The following XKR9 variants were observed in gnomAD, a reference collection of about 807,000 sequenced individuals.
XKR9 encodes the protein XK related 9.
A neutral mutation model predicts 32.0 loss-of-function variants in XKR9; 32 were observed. That is an observed-to-expected ratio of 1.00 (90% CI 0.76 to 1.34). The LOEUF (loss-of-function observed/expected upper bound fraction) is 1.34. Among genes scored for constraint, XKR9 ranks in the 40% most tolerant of loss-of-function variants. The pLI is 0.00. For synonymous variants in XKR9, 168 were observed against 143.4 expected (o/e 1.17, Z -1.22); for missense variants, 546 against 429.7 (o/e 1.27, Z -2.39).
At chr8:70,924,411 G>T in the XKR9 span, among the ~76,000 whole-genome samples, 1 of 151,996 alleles carries the variant, frequency 6.6e-6, no homozygotes, top group South Asian at 2.1e-4. Flanking sequence ...ATCTTTTCTG[G>T]CTTCTCTATT....
chr8:71,016,256 A>G, the XKR9 span, among the ~76,000 whole-genome samples: 1 of 152,230 alleles, frequency 6.6e-6, no homozygotes, highest in Non-Finnish European at 1.5e-5. Context: ...TAAGAAGATC[A>G]AATTACAACT....
the XKR9 span, among the ~76,000 whole-genome samples, chr8:70,854,874 G>T: frequency 4.6e-5 from 7 of 152,090 alleles, no homozygotes; most frequent in Admixed American, 4.6e-4. Context: ...CTGCTCCATT[G>T]GTTTATATCT....
chr8:70,896,363 C>A, the XKR9 span, among the ~76,000 whole-genome samples: 1 of 152,040 alleles, frequency 6.6e-6, no homozygotes, highest in African/African-American at 2.4e-5. Context: ...TTTTTAATTT[C>A]TTTAATATAT....
chr8:70,980,387 A>G, the XKR9 span, among the ~76,000 whole-genome samples: 11 of 152,350 alleles, frequency 7.2e-5, 1 homozygote, highest in South Asian at 1.7e-3. Context: ...CTATTCGGAC[A>G]TCTTGGAACC....
chr8:70,989,046 C>A, the XKR9 span, among the ~76,000 whole-genome samples: 5 of 152,176 alleles, frequency 3.3e-5, no homozygotes, highest in African/African-American at 1.2e-4. Flanking sequence ...ACAACACTTT[C>A]TTCATCCATT....
chr8:70,973,095 A>G, the XKR9 span, among the ~76,000 whole-genome samples: 1 of 151,804 alleles, frequency 6.6e-6, no homozygotes, highest in African/African-American at 2.4e-5. Context: ...CTGGTCCTGG[A>G]CTTTTTTTTG....
the XKR9 span, among the ~76,000 whole-genome samples, chr8:70,806,373 G>A: frequency 2.0e-5 from 3 of 152,092 alleles, no homozygotes; most frequent in African/African-American, 4.8e-5. Flanking sequence ...CCAAATGATT[G>A]CAACATTTCT....
At chr8:70,973,129 A>G in the XKR9 span, among the ~76,000 whole-genome samples, 1 of 151,916 alleles carries the variant, frequency 6.6e-6, no homozygotes, top group South Asian at 2.1e-4. Context: ...TTTAATTATC[A>G]TTTCAATCCC....
chr8:70,717,592 CTG>C (rs1563444814), intron 4 of XKR9, among the ~76,000 whole-genome samples: 1 of 152,152 alleles, frequency 6.6e-6, no homozygotes, highest in African/African-American at 2.4e-5. Context: ...TGTCCTGAGG[CTG>C]CATAGAGCAG....
At chr8:71,003,432 A>G in the XKR9 span, among the ~76,000 whole-genome samples, 37 of 152,144 alleles carry the variant, frequency 2.4e-4, no homozygotes, top group African/African-American at 8.7e-4. Flanking sequence ...CTTGGCTAAC[A>G]TTGTTTTCAG....
the XKR9 span, among the ~76,000 whole-genome samples, chr8:70,868,581 C>T: frequency 2.6e-5 from 4 of 151,976 alleles, no homozygotes; most frequent in African/African-American, 7.2e-5. Flanking sequence ...GCACATAGCA[C>T]GAGGACCCTG....
chr8:70,706,543 A>G (rs1031614320), intron 3 of XKR9, among the ~76,000 whole-genome samples: 2 of 152,164 alleles, frequency 1.3e-5, no homozygotes, highest in African/African-American at 4.8e-5. Context: ...ACTAGAAATA[A>G]TAAGATCTGG....
At chr8:70,944,244 A>C in the XKR9 span, among the ~76,000 whole-genome samples, 1 of 152,198 alleles carries the variant, frequency 6.6e-6, no homozygotes, top group African/African-American at 2.4e-5. Flanking sequence ...GAATAAATCC[A>C]TCTTTATAAG....
At chr8:70,967,307 G>A in the XKR9 span, among the ~76,000 whole-genome samples, 2 of 152,024 alleles carry the variant, frequency 1.3e-5, no homozygotes, top group Non-Finnish European at 2.9e-5. Flanking sequence ...CTGACCTCGT[G>A]ATTCGCCCAC....
At chr8:70,877,229 C>T in the XKR9 span, among the ~76,000 whole-genome samples, 1 of 152,144 alleles carries the variant, frequency 6.6e-6, no homozygotes, top group East Asian at 1.9e-4. Flanking sequence ...AAACTGCCCC[C>T]ATGATTCATT....
the XKR9 span, among the ~76,000 whole-genome samples, chr8:71,012,773 T>A: frequency 6.6e-6 from 1 of 152,156 alleles, no homozygotes; most frequent in Non-Finnish European, 1.5e-5. Context: ...CTAAGCAACT[T>A]TCCCCTGGTC....
chr8:70,831,365 C>T, the XKR9 span, among the ~76,000 whole-genome samples: 1 of 151,094 alleles, frequency 6.6e-6, no homozygotes, highest in Non-Finnish European at 1.5e-5. Flanking sequence ...AGACATTCTG[C>T]TAGAGAAAAG....
downstream of XKR9, among the ~76,000 whole-genome samples, chr8:70,739,861 T>C (rs1806939260): frequency 6.6e-6 from 1 of 152,230 alleles, no homozygotes; most frequent in Non-Finnish European, 1.5e-5. Context: ...GGGCTTCCCT[T>C]TGTGGGTAAC....
chr8:70,697,115 C>CATGTA (rs1364667082), intron 3 of XKR9, among the ~76,000 whole-genome samples: 8 of 150,680 alleles, frequency 5.3e-5, no homozygotes, highest in Non-Finnish European at 3.0e-5. Flanking sequence ...GATATACAAT[C>CATGTA]ATGTCATCTG....
Sources: gnomAD v4.1 joint callset for allele counts (sites outside exome capture counted in the v4.1 genomes callset) on GRCh38, gnomAD v4.1.1 for gene constraint, MANE v1.5 for transcripts, NCBI Gene and HGNC (gene_info 2026-07-23, HGNC 2026-07-21) for gene names.